EIF2S1: variants seen among roughly 807,000 people sequenced by gnomAD.
EIF2S1 encodes eukaryotic translation initiation factor 2 subunit 1.
Under a neutral mutation model 33.5 loss-of-function variants are expected in EIF2S1, and 5 were observed. The observed-to-expected ratio is 0.15, with a 90% CI of 0.08 to 0.31. The LOEUF (loss-of-function observed/expected upper bound fraction) is 0.31, where lower values mean the gene tolerates loss of function less well. Ranked by LOEUF, EIF2S1 falls within the 10% of genes least tolerant of loss-of-function variation. EIF2S1 has a pLI of 1.00. For missense variants in EIF2S1, 191 were observed against 384.6 expected (o/e 0.50, Z 4.21); for synonymous variants, 99 against 127.5 (o/e 0.78, Z 1.51).
intron 4 of EIF2S1, among the ~76,000 whole-genome samples, chr14:67,377,402 G>A (rs543993931): frequency 1.8e-3 from 271 of 152,234 alleles, no homozygotes; most frequent in African/African-American, 6.3e-3. Context: ...GGCTATTTTA[G>A]AGCTTTTCCA....
At chr14:67,376,686 A>C (rs1460693570) in intron 4 of EIF2S1, 96 bp downstream of exon 4, 9 of 1,347,278 alleles carry the variant, frequency 6.7e-6, no homozygotes, top group Non-Finnish European at 3.0e-6. Context: ...TACTTGCCAA[A>C]TTTAGATTAA....
intron 3 of EIF2S1, among the ~76,000 whole-genome samples, chr14:67,374,968 T>C (rs1402008757): frequency 1.3e-5 from 2 of 152,180 alleles, no homozygotes; most frequent in Admixed American, 6.5e-5. Flanking sequence ...CCAGCTGTTA[T>C]ATGTTAAGAA....
Position 67,382,565 on chromosome 14 carries a change from G to T in EIF2S1, c.797G>T (p.Arg266Met), listed in dbSNP as rs1252924259. The change falls in exon 7 of 8, where the codon AGG becomes ATG. Residue 266 changes from arginine to methionine, a missense_variant. Coordinates refer to ENST00000256383, the MANE Select transcript of EIF2S1 (RefSeq NM_004094.5). ...ATCAAAGAGAAGATTGAGGAAAAGAGGGGTGTGTTCAATGTTCAAATGGAG... is the reference window on the plus strand; with the variant it reads ...ATCAAAGAGAAGATTGAGGAAAAGATGGGTGTGTTCAATGTTCAAATGGAG... ...AVIKEKIEEK[R>M]GVFNVQMEPK... 6.2e-7 allele frequency: 1 copy of T among 1,613,822 alleles called. No homozygotes were observed. Among genetic ancestry groups the T allele is most frequent in the Non-Finnish European group, 8.5e-7 (1 of 1,179,916 alleles).
intron 2 of EIF2S1, among the ~76,000 whole-genome samples, chr14:67,372,319 A>G (rs974314437): frequency 6.6e-6 from 1 of 152,200 alleles, no homozygotes; most frequent in African/African-American, 2.4e-5. Flanking sequence ...TGAATCATAG[A>G]TGTAAACTTC....
chr14:67,376,512 A>G lies in EIF2S1; in HGVS notation c.395A>G (p.Gln132Arg). The change falls in exon 4 of 8, where the codon CAG becomes CGG. Residue 132 changes from glutamine to arginine, a missense_variant. Coordinates refer to ENST00000256383, the MANE Select transcript of EIF2S1 (RefSeq NM_004094.5). ...GATGAGCAGCTGGAAAGCCTATTCC[A>G]GAGGACTGCCTGGGTCTTTGATGAC... is the stretch of plus-strand genomic sequence containing the variant. ...TKDEQLESLF[Q>R]RTAWVFDDKY... 6.2e-7 allele frequency: 1 copy of G among 1,614,146 alleles called. No individual in the cohort carries two copies. Among genetic ancestry groups the G allele is most frequent in the African/African-American group, 1.3e-5 (1 of 75,064 alleles).
intron 5 of EIF2S1, 135 bp from the exon 6 acceptor site, chr14:67,381,458 A>T: frequency 1.8e-6 from 1 of 544,846 alleles, no homozygotes; most frequent in South Asian, 3.1e-5. Flanking sequence ...TTTATAAATA[A>T]GGAACTGCAG....
chr14:67,374,318 G>A (rs1595647680), intron 2 of EIF2S1, 150 bp from the exon 3 acceptor site: 3 of 448,922 alleles, frequency 6.7e-6, no homozygotes, highest in Non-Finnish European at 8.0e-6. Flanking sequence ...ACTCAGCCTT[G>A]TAATACTTAT....
intron 2 of EIF2S1, among the ~76,000 whole-genome samples, chr14:67,367,112 G>T (rs2085784355): frequency 2.0e-5 from 3 of 152,294 alleles, no homozygotes; most frequent in Non-Finnish European, 2.9e-5. Flanking sequence ...GAAACACAGG[G>T]TGGACTCCAG....
At position 67,382,442 on chromosome 14, in the gene EIF2S1, T is replaced by C. The variant is rs1442693573; in HGVS notation, c.679-5T>C. On this transcript the variant is annotated splice_region_variant and splice_polypyrimidine_tract_variant and intron_variant, in intron 6 of 7. Coordinates refer to ENST00000256383, the MANE Select transcript of EIF2S1 (RefSeq NM_004094.5). The stretch of plus-strand genomic sequence containing the variant: ...CATAAATGAATTTTTGTCTTTCTCT[T>C]TTAGATTAATCTAATAGCTCCTCCT... 6.2e-7 allele frequency: 1 copy of C among 1,609,710 alleles called. No individual in the cohort carries two copies. The highest frequency in any genetic ancestry group is 1.1e-5 in the South Asian group (1 of 90,338).
chr14:67,375,711 A>G (rs1044014830), intron 3 of EIF2S1, among the ~76,000 whole-genome samples: 5 of 152,182 alleles, frequency 3.3e-5, no homozygotes, highest in Non-Finnish European at 7.3e-5. Flanking sequence ...ATATCTTCTT[A>G]ATAAACTCTA....
intron 1 of EIF2S1, among the ~76,000 whole-genome samples, chr14:67,363,098 A>C (rs986344558): frequency 6.6e-6 from 1 of 152,142 alleles, no homozygotes; most frequent in Non-Finnish European, 1.5e-5. Flanking sequence ...ATGTCTTGCA[A>C]CTGTTCCATA....
chr14:67,381,514 C>A, intron 5 of EIF2S1, 79 bp from the exon 6 acceptor site: 1 of 1,081,634 alleles, frequency 9.2e-7, no homozygotes, highest in Non-Finnish European at 1.4e-6. Flanking sequence ...ACTAATATAT[C>A]TGCCACGTGT....
At chr14:67,380,240 G>A (rs1265032273) in intron 4 of EIF2S1, among the ~76,000 whole-genome samples, 1 of 152,170 alleles carries the variant, frequency 6.6e-6, no homozygotes, top group Non-Finnish European at 1.5e-5. Context: ...TTTGCATGAA[G>A]CCCTTCCTGA....
In EIF2S1 at chr14:67,383,852, GA is replaced by G. The variant is rs1249540070; in HGVS notation, c.*413del. ...AAGCAAACATCAAATAAATTTCTGG[GA>G]TATTTAACTATAGGCTTCTTCCTTC... is the stretch of plus-strand genomic sequence containing the variant. On this transcript the variant is annotated 3_prime_UTR_variant, in exon 8 of 8. Transcript: ENST00000256383. 4.2e-6 allele frequency: 1 copy of G among 239,320 alleles called. No individual in the cohort carries two copies. The highest frequency in any genetic ancestry group is 8.3e-6 in the Non-Finnish European group (1 of 119,858). 14.8% of individuals were successfully genotyped at this position (239,320 alleles called of 1,614,324 possible).
chr14:67,374,591 TAATA>T, intron 3 of EIF2S1, 44 bp downstream of exon 3: 3 of 1,308,596 alleles, frequency 2.3e-6, no homozygotes, highest in Non-Finnish European at 3.2e-6. Context: ...TCTGTGTGTT[TAATA>T]AATAATTTGA....
chr14:67,381,782 A>T, intron 6 of EIF2S1, 92 bp downstream of exon 6: 1 of 890,016 alleles, frequency 1.1e-6, no homozygotes, highest in Non-Finnish European at 1.7e-6. Context: ...TTTTAATCAC[A>T]TTTCATAACA....
At position 67,382,722 on chromosome 14, in the gene EIF2S1, G is replaced by C. The variant is rs998718797; in HGVS notation, c.822+132G>C. On this transcript the variant is annotated intron_variant, in intron 7 of 7. Transcript: ENST00000256383. Reference sequence around the variant, plus strand: ...TCATTCAGGCCTTTGATCACTAATGGTGTTAGGGTCACCCCCCGTCCCCAG... The same window carrying C: ...TCATTCAGGCCTTTGATCACTAATGCTGTTAGGGTCACCCCCCGTCCCCAG... 17 of 1,009,652 alleles carry C rather than the reference G, an allele frequency of 1.7e-5. No homozygotes were observed. The African/African-American group carries it at 2.8e-4, about 16-fold the overall frequency. The allele number at this position is 1,009,652 out of a possible 1,614,324, so 62.5% of individuals were successfully genotyped here.
chr14:67,371,644 AAC>A (rs1199580297), intron 2 of EIF2S1, among the ~76,000 whole-genome samples: 1 of 152,222 alleles, frequency 6.6e-6, no homozygotes, highest in Non-Finnish European at 1.5e-5. Flanking sequence ...AGGTAGTTGT[AAC>A]ACAATGGTAA....
intron 1 of EIF2S1, among the ~76,000 whole-genome samples, chr14:67,362,692 A>C (rs1163301606): frequency 6.6e-6 from 1 of 152,196 alleles, no homozygotes; most frequent in Non-Finnish European, 1.5e-5. Flanking sequence ...TGTGAAAAAG[A>C]TAAAGAGGTG....
Sources: gnomAD v4.1 joint callset for allele counts (sites outside exome capture counted in the v4.1 genomes callset) on GRCh38, gnomAD v4.1.1 for gene constraint, MANE v1.5 for transcripts, NCBI Gene and HGNC (gene_info 2026-07-23, HGNC 2026-07-21) for gene names.